SCFD2: variants seen among roughly 807,000 people sequenced by gnomAD.
SCFD2 encodes the protein sec1 family domain-containing protein 2.
SCFD2 carries 54 observed loss-of-function variants against 58.9 expected under a neutral mutation model. That is an observed-to-expected ratio of 0.92 (90% CI 0.74 to 1.15). SCFD2 has a LOEUF of 1.15. Among genes scored for constraint, SCFD2 ranks in the 50% most tolerant of loss-of-function variants. The pLI is 0.00. For missense variants in SCFD2, 805 were observed against 836.6 expected (o/e 0.96, Z 0.47); for synonymous variants, 321 against 335.9 (o/e 0.96, Z 0.49).
At chr4:52,954,379 T>C (rs1416451783) in intron 5 of SCFD2, among the ~76,000 whole-genome samples, 6 of 152,244 alleles carry the variant, frequency 3.9e-5, no homozygotes, top group Middle Eastern at 3.4e-3. Context: ...AGGAAGATGA[T>C]AGAAGATTAC....
At chr4:52,875,789 G>T (rs1718454864) in intron 8 of SCFD2, among the ~76,000 whole-genome samples, 1 of 112,896 alleles carries the variant, frequency 8.9e-6, no homozygotes, top group Non-Finnish European at 1.8e-5. Flanking sequence ...TCTTGAAAGA[G>T]GATTATCTTT....
In SCFD2 at chr4:53,330,788, GAC is replaced by G. The variant is rs769432970; in HGVS notation, c.1008-17027_1008-17026del. On this transcript the variant is annotated intron_variant, in intron 2 of 8. Transcript: ENST00000401642. ...AATGGACTAAATGCTCCAATTAAAA[GAC>G]ACAGACTGGCAAATTGGATAAAGAG... is the stretch of plus-strand genomic sequence containing the variant. 2.8e-3 allele frequency among the ~76,000 whole-genome samples: 431 copies of G among 152,164 alleles called. 1 individual carries two copies. Among genetic ancestry groups the G allele is most frequent in the Middle Eastern group, 0.017 (5 of 294 alleles).
chr4:52,937,107 C>T (rs1026666265), intron 5 of SCFD2, among the ~76,000 whole-genome samples: 5 of 152,250 alleles, frequency 3.3e-5, no homozygotes, highest in African/African-American at 9.6e-5. Context: ...CCAAAAAGGG[C>T]CTCTTGGAGG....
In SCFD2 at chr4:53,197,157, G is replaced by T. The variant is rs181520666; in HGVS notation, c.1312-51575C>A. ...TTCCTCTGTTTAACTCAAAGGAACAGAGCAGCAACAACATTAATTCAAAAG... is the reference window on the plus strand; with the variant it reads ...TTCCTCTGTTTAACTCAAAGGAACATAGCAGCAACAACATTAATTCAAAAG... On this transcript the variant is annotated intron_variant, in intron 4 of 8. Coordinates refer to ENST00000401642, the MANE Select transcript of SCFD2 (RefSeq NM_152540.4). 8.7e-3 allele frequency among the ~76,000 whole-genome samples: 1,322 copies of T among 152,154 alleles called. 12 individuals are homozygous for T. Among genetic ancestry groups the T allele is most frequent in the African/African-American group, 0.03 (1,258 of 41,522 alleles).
At chr4:52,988,845 C>A (rs928860159) in intron 5 of SCFD2, among the ~76,000 whole-genome samples, 2 of 152,152 alleles carry the variant, frequency 1.3e-5, no homozygotes, top group Non-Finnish European at 2.9e-5. Flanking sequence ...CTTGCTGTCT[C>A]CCCCACCTTT....
chr4:52,956,098 C>T (rs1408403156), intron 5 of SCFD2: 2 of 456,254 alleles, frequency 4.4e-6, no homozygotes, highest in Middle Eastern at 3.2e-4. Context: ...TGAGATGCAA[C>T]ACAAGGAGCC....
intron 4 of SCFD2, among the ~76,000 whole-genome samples, chr4:53,167,254 C>A (rs552766061): frequency 3.5e-4 from 53 of 152,348 alleles, no homozygotes; most frequent in Non-Finnish European, 6.8e-4. Flanking sequence ...GTAGCCTTTT[C>A]TACTCTAGGA....
At chr4:53,332,871 C>G (rs1733538096) in intron 2 of SCFD2, among the ~76,000 whole-genome samples, 1 of 150,880 alleles carries the variant, frequency 6.6e-6, no homozygotes, top group Admixed American at 6.6e-5. Context: ...CCCAAAATCT[C>G]CTTAAGCTGA....
At chr4:53,232,806 A>C (rs961255218) in intron 4 of SCFD2, among the ~76,000 whole-genome samples, 4 of 152,152 alleles carry the variant, frequency 2.6e-5, no homozygotes, top group Non-Finnish European at 5.9e-5. Flanking sequence ...AGACAGACTT[A>C]ACAGGTTCTG....
intron 3 of SCFD2, among the ~76,000 whole-genome samples, chr4:53,280,173 G>A (rs1384312195): frequency 6.6e-6 from 1 of 152,132 alleles, no homozygotes; most frequent in Non-Finnish European, 1.5e-5. Flanking sequence ...TGTCAGATTT[G>A]ATTTAATGGC....
At chr4:53,137,206 G>A (rs1044227982) in intron 5 of SCFD2, among the ~76,000 whole-genome samples, 16 of 152,214 alleles carry the variant, frequency 1.1e-4, no homozygotes, top group African/African-American at 3.9e-4. Context: ...AAGGATGCAA[G>A]TCTTCTGAGT....
At chr4:52,964,525 C>T (rs1720917648) in intron 5 of SCFD2, among the ~76,000 whole-genome samples, 1 of 152,168 alleles carries the variant, frequency 6.6e-6, no homozygotes, top group Admixed American at 6.5e-5. Context: ...ATCCATGTTT[C>T]CAGGAACATT....
intron 5 of SCFD2, among the ~76,000 whole-genome samples, chr4:52,992,250 AG>A (rs1721628957): frequency 6.6e-6 from 1 of 152,144 alleles, no homozygotes; most frequent in African/African-American, 2.4e-5. Context: ...GCTGGTCTCC[AG>A]CTCCTAACCG....
intron 8 of SCFD2, among the ~76,000 whole-genome samples, chr4:52,880,609 C>G (rs915486107): frequency 7.8e-6 from 1 of 127,468 alleles, no homozygotes; most frequent in Non-Finnish European, 1.6e-5. Flanking sequence ...AGAGTGAGAC[C>G]CTGTCTCAAA....
chr4:53,212,120 C>T (rs1053214361), intron 4 of SCFD2, among the ~76,000 whole-genome samples: 6 of 152,110 alleles, frequency 3.9e-5, no homozygotes, highest in African/African-American at 1.5e-4. Flanking sequence ...TTAAATCACT[C>T]AGGCATGGCA....
At chr4:53,300,413 T>C (rs1161679890) in intron 3 of SCFD2, among the ~76,000 whole-genome samples, 3 of 152,106 alleles carry the variant, frequency 2.0e-5, no homozygotes, top group Admixed American at 2.0e-4. Flanking sequence ...CCTAAATATA[T>C]ATGCACCCAA....
At chr4:53,293,746 T>A (rs191232580) in intron 3 of SCFD2, among the ~76,000 whole-genome samples, 21 of 152,172 alleles carry the variant, frequency 1.4e-4, no homozygotes, top group Admixed American at 1.2e-3. Context: ...TTAAAAAAAA[T>A]TATATTTTGA....
chr4:53,318,587 A>T (rs1732931979), intron 2 of SCFD2, among the ~76,000 whole-genome samples: 1 of 152,176 alleles, frequency 6.6e-6, no homozygotes, highest in Non-Finnish European at 1.5e-5. Context: ...CAAACAAATC[A>T]AAACTCTGAT....
chr4:53,213,549 C>G (rs1381617021), intron 4 of SCFD2, among the ~76,000 whole-genome samples: 1 of 152,024 alleles, frequency 6.6e-6, no homozygotes, highest in Non-Finnish European at 1.5e-5. Context: ...AAAGTAAATT[C>G]AGGAATTAAG....
Sources: allele counts gnomAD v4.1 joint callset (sites outside exome capture counted in the v4.1 genomes callset), GRCh38; gene constraint gnomAD v4.1.1; transcripts MANE v1.5; gene names NCBI Gene and HGNC (gene_info 2026-07-23, HGNC 2026-07-21).